UNC5D: variants seen among roughly 807,000 people sequenced by gnomAD.
The protein encoded by UNC5D is netrin receptor UNC5D.
A neutral mutation model predicts 105.4 loss-of-function variants in UNC5D; 39 were observed. The ratio of observed to expected loss-of-function variants is 0.37; its 90% CI spans 0.29 to 0.48. The LOEUF is 0.48. Ranked by LOEUF, UNC5D falls within the 20% of genes least tolerant of loss-of-function variation. The pLI, the probability that UNC5D is intolerant of heterozygous loss-of-function variation, is 0.98. For synonymous variants in UNC5D, 452 were observed against 450.4 expected, an observed-to-expected ratio of 1.00 and a Z score of -0.04; for missense variants, 991 against 1,202.4, an observed-to-expected ratio of 0.82 and a Z score of 2.60.
chr8:35,545,894 CTTTA>C (rs775530620), intron 1 of UNC5D, among the ~76,000 whole-genome samples: 4 of 151,316 alleles, frequency 2.6e-5, no homozygotes, highest in African/African-American at 9.7e-5. Context: ...ATTCTTTTTT[CTTTA>C]TTTATTTTTG....
intron 1 of UNC5D, among the ~76,000 whole-genome samples, chr8:35,342,967 A>G (rs1811559907): frequency 6.6e-6 from 1 of 152,126 alleles, no homozygotes; most frequent in African/African-American, 2.4e-5. Context: ...TCTTCTAAGC[A>G]GTGGTTTCTT....
intron 1 of UNC5D, among the ~76,000 whole-genome samples, chr8:35,499,563 G>C (rs1027838663): frequency 9.9e-5 from 15 of 152,206 alleles, no homozygotes; most frequent in African/African-American, 3.6e-4. Context: ...AATTATGTCT[G>C]TGCTGGCATC....
intron 1 of UNC5D, among the ~76,000 whole-genome samples, chr8:35,502,285 G>C (rs144829708): frequency 6.6e-6 from 1 of 152,118 alleles, no homozygotes; most frequent in African/African-American, 2.4e-5. Context: ...TGCCTATAAC[G>C]TTTATCCTTC....
At chr8:35,777,239 G>GC (rs1338425839) in intron 16 of UNC5D, among the ~76,000 whole-genome samples, 22 of 152,264 alleles carry the variant, frequency 1.4e-4, no homozygotes, top group African/African-American at 5.3e-4. Context: ...GGGCAACAGA[G>GC]CGAGACTCTG....
At chr8:35,720,531 G>A (rs925980421) in intron 8 of UNC5D, among the ~76,000 whole-genome samples, 1 of 152,186 alleles carries the variant, frequency 6.6e-6, no homozygotes, top group African/African-American at 2.4e-5. Flanking sequence ...TGTGTCCTCT[G>A]TCTGCTCTGG....
chr8:35,283,399 C>T (rs1358199684), intron 1 of UNC5D, among the ~76,000 whole-genome samples: 1 of 152,022 alleles, frequency 6.6e-6, no homozygotes, highest in Non-Finnish European at 1.5e-5. Flanking sequence ...TAGTGAGGCA[C>T]GTCATGTCAC....
At chr8:35,301,945 A>G (rs1365452723) in intron 1 of UNC5D, among the ~76,000 whole-genome samples, 1 of 152,172 alleles carries the variant, frequency 6.6e-6, no homozygotes, top group Non-Finnish European at 1.5e-5. Context: ...AAGTAAGTCT[A>G]AAATTATTCG....
intron 1 of UNC5D, among the ~76,000 whole-genome samples, chr8:35,529,468 G>C (rs1814163791): frequency 6.7e-6 from 1 of 148,330 alleles, no homozygotes; most frequent in Admixed American, 6.7e-5. Context: ...AGTATAGTTT[G>C]AAGTCAGGTA....
chr8:35,705,215 T>C (rs112867572), intron 7 of UNC5D, among the ~76,000 whole-genome samples: 2,214 of 152,206 alleles, frequency 0.015, 38 homozygotes, highest in African/African-American at 0.049. Flanking sequence ...CCGCCCGCCT[T>C]GGCCTCCCAA....
At chr8:35,256,796 A>G (rs1804103616) in intron 1 of UNC5D, among the ~76,000 whole-genome samples, 2 of 151,926 alleles carry the variant, frequency 1.3e-5, no homozygotes, top group South Asian at 2.1e-4. Context: ...TTCTTTGGAT[A>G]TATTGGATAT....
At chr8:35,307,832 A>G (rs1388597204) in intron 1 of UNC5D, among the ~76,000 whole-genome samples, 1 of 152,116 alleles carries the variant, frequency 6.6e-6, no homozygotes, top group Non-Finnish European at 1.5e-5. Context: ...ATATTGATTC[A>G]ATGTCAGAAG....
At chr8:35,347,867 G>A (rs916449417) in intron 1 of UNC5D, among the ~76,000 whole-genome samples, 2 of 151,998 alleles carry the variant, frequency 1.3e-5, no homozygotes, top group African/African-American at 4.8e-5. Flanking sequence ...GTCACCTGAA[G>A]AAAGACCAGG....
At chr8:35,335,385 A>G (rs1810948727) in intron 1 of UNC5D, among the ~76,000 whole-genome samples, 1 of 152,212 alleles carries the variant, frequency 6.6e-6, no homozygotes, top group African/African-American at 2.4e-5. Flanking sequence ...ACATTGTATT[A>G]GTCCTTTAAC....
intron 1 of UNC5D, among the ~76,000 whole-genome samples, chr8:35,500,743 G>T (rs541648363): frequency 6.6e-6 from 1 of 152,296 alleles, no homozygotes; most frequent in African/African-American, 2.4e-5. Context: ...TCACGGCTGC[G>T]TGATAAATGA....
At chr8:35,734,770 T>C (rs1829376326) in intron 11 of UNC5D, among the ~76,000 whole-genome samples, 1 of 150,026 alleles carries the variant, frequency 6.7e-6, no homozygotes, top group Non-Finnish European at 1.5e-5. Context: ...AATTTTATTC[T>C]ACACACTTTA....
intron 8 of UNC5D, among the ~76,000 whole-genome samples, chr8:35,706,568 T>C (rs559559047): frequency 6.6e-6 from 1 of 152,264 alleles, no homozygotes; most frequent in African/African-American, 2.4e-5. Flanking sequence ...TTATGCTCTT[T>C]AGTATCACCT....
Position 35,549,280 on chromosome 8 carries a change from T to C in UNC5D, c.104-12T>C, listed in dbSNP as rs776197120. 4 of 1,612,468 alleles carry C rather than the reference T, an allele frequency of 2.5e-6. No individual in the cohort carries two copies. The highest frequency in any genetic ancestry group is 1.3e-5 in the African/African-American group (1 of 74,870). ...TGTAGGCTGTGTTCTGATGTCTTTT[T>C]TGATTTCACAGGAACTGACAATGGC... On this transcript the variant is annotated splice_polypyrimidine_tract_variant and intron_variant, in intron 1 of 16. Transcript: ENST00000404895.
chr8:35,755,478 A>ATGTGTG (rs140830705), intron 13 of UNC5D, among the ~76,000 whole-genome samples: 74 of 150,494 alleles, frequency 4.9e-4, no homozygotes, highest in African/African-American at 1.6e-3. Flanking sequence ...ATTTGTGTGT[A>ATGTGTG]TGTGTGTGTG....
intron 1 of UNC5D, among the ~76,000 whole-genome samples, chr8:35,292,064 A>G (rs139773289): frequency 2.6e-5 from 4 of 152,346 alleles, no homozygotes; most frequent in African/African-American, 9.6e-5. Context: ...AGATTCACTA[A>G]TTGCAAGTTG....
Sources: gnomAD v4.1 joint callset for allele counts (sites outside exome capture counted in the v4.1 genomes callset) on GRCh38, gnomAD v4.1.1 for gene constraint, MANE v1.5 for transcripts, NCBI Gene and HGNC (gene_info 2026-07-23, HGNC 2026-07-21) for gene names.